The following TRERF1 variants were observed in gnomAD, a reference collection of about 807,000 sequenced individuals.
The protein encoded by TRERF1 is transcriptional regulating factor 1.
TRERF1 carries 27 observed loss-of-function variants against 122.9 expected under a neutral mutation model. That is an observed-to-expected ratio of 0.22 (90% CI 0.16 to 0.30). The LOEUF (loss-of-function observed/expected upper bound fraction) is 0.30. TRERF1 is among the 10% of genes least tolerant of loss of function. The pLI, the probability that TRERF1 is intolerant of heterozygous loss-of-function variation, is 1.00. For missense variants in TRERF1, 1,248 were observed against 1,560.3 expected, an observed-to-expected ratio of 0.80 and a Z score of 3.37; for synonymous variants, 636 against 641.7, an observed-to-expected ratio of 0.99 and a Z score of 0.13.
At chr6:42,326,783 A>G (rs1221014362) in intron 3 of TRERF1, among the ~76,000 whole-genome samples, 4 of 152,366 alleles carry the variant, frequency 2.6e-5, no homozygotes, top group East Asian at 1.9e-4. Context: ...CAGAATAACA[A>G]CAGCTGTTGG....
chr6:42,300,959 G>T (rs565764014), intron 3 of TRERF1, among the ~76,000 whole-genome samples: 1 of 152,256 alleles, frequency 6.6e-6, no homozygotes, highest in African/African-American at 2.4e-5. Flanking sequence ...GAGGAATGAG[G>T]CCATGGAGAT....
intron 5 of TRERF1, among the ~76,000 whole-genome samples, chr6:42,267,209 C>T (rs1013927144): frequency 1.3e-5 from 2 of 152,040 alleles, no homozygotes; most frequent in Non-Finnish European, 2.9e-5. Flanking sequence ...TGGCATGCAC[C>T]TGTAGTTCTA....
intron 2 of TRERF1, among the ~76,000 whole-genome samples, chr6:42,401,717 A>G (rs260283): frequency 0.2 from 29,661 of 151,942 alleles, 5,722 homozygotes; most frequent in African/African-American, 0.5. Context: ...CACCCTGCCC[A>G]ACCCCGCCCC....
chr6:42,364,133 T>C (rs1772281745), intron 2 of TRERF1, among the ~76,000 whole-genome samples: 1 of 152,200 alleles, frequency 6.6e-6, no homozygotes, highest in African/African-American at 2.4e-5. Context: ...ACCTGACCTC[T>C]TCTCCTCCTA....
chr6:42,430,819 C>T (rs551581357), intron 2 of TRERF1, among the ~76,000 whole-genome samples: 42 of 152,096 alleles, frequency 2.8e-4, no homozygotes, highest in African/African-American at 1.0e-3. Flanking sequence ...TCGCTCGAAC[C>T]CAGGAGGCGG....
chr6:42,410,961 G>A (rs1352052378), intron 2 of TRERF1, among the ~76,000 whole-genome samples: 1 of 152,222 alleles, frequency 6.6e-6, no homozygotes, highest in African/African-American at 2.4e-5. Flanking sequence ...CCAGTGGGCA[G>A]GCCTCCTGTC....
At chr6:42,418,266 C>CTTTTTTTTT (rs60655151) in intron 2 of TRERF1, among the ~76,000 whole-genome samples, 2 of 37,016 alleles carry the variant, frequency 5.4e-5, no homozygotes, top group Non-Finnish European at 8.8e-5. Flanking sequence ...TTCTTTCTTT[C>CTTTTTTTTT]TTTTTTTTTT....
chr6:42,308,276 T>C (rs987898629), intron 3 of TRERF1, among the ~76,000 whole-genome samples: 1 of 152,232 alleles, frequency 6.6e-6, no homozygotes, highest in Non-Finnish European at 1.5e-5. Context: ...AATGGAATAT[T>C]ATTCACCAAT....
intron 4 of TRERF1, among the ~76,000 whole-genome samples, chr6:42,295,712 A>AT (rs60109926): frequency 0.15 from 22,720 of 151,812 alleles, 1,903 homozygotes; most frequent in African/African-American, 0.23. Flanking sequence ...GACTTTATGC[A>AT]TTTTTTTTGG....
chr6:42,378,933 T>G (rs540261500), intron 2 of TRERF1, among the ~76,000 whole-genome samples: 1 of 151,986 alleles, frequency 6.6e-6, no homozygotes, highest in African/African-American at 2.4e-5. Flanking sequence ...CTGGACAACA[T>G]AGTAAGACAC....
chr6:42,420,148 G>A (rs1782552459), intron 2 of TRERF1, among the ~76,000 whole-genome samples: 1 of 152,162 alleles, frequency 6.6e-6, no homozygotes, highest in Non-Finnish European at 1.5e-5. Flanking sequence ...ATGGGAGGAC[G>A]GCAAAGCAAA....
intron 8 of TRERF1, among the ~76,000 whole-genome samples, chr6:42,261,090 G>A (rs910562): frequency 7.7e-5 from 11 of 143,654 alleles, no homozygotes; most frequent in African/African-American, 2.7e-4. Flanking sequence ...GCGCTCAACC[G>A]CCTCTTTTCT....
chr6:42,376,588 G>C (rs1164727554), intron 2 of TRERF1, among the ~76,000 whole-genome samples: 1 of 146,442 alleles, frequency 6.8e-6, no homozygotes, highest in Non-Finnish European at 1.5e-5. Flanking sequence ...CTGTCGCCAG[G>C]CTGGAGTACA....
chr6:42,409,013 C>T (rs1184147907), intron 2 of TRERF1, among the ~76,000 whole-genome samples: 1 of 151,990 alleles, frequency 6.6e-6, no homozygotes, highest in Non-Finnish European at 1.5e-5. Context: ...CCAGGTCAGG[C>T]GCGGTGGCTC....
intron 3 of TRERF1, among the ~76,000 whole-genome samples, chr6:42,362,253 G>A (rs903699517): frequency 3.3e-5 from 5 of 151,888 alleles, no homozygotes; most frequent in South Asian, 2.1e-4. Flanking sequence ...AAAAGAAACC[G>A]AAGCAATCAA....
At chr6:42,401,328 TC>T (rs1779356163) in intron 2 of TRERF1, among the ~76,000 whole-genome samples, 1 of 152,182 alleles carries the variant, frequency 6.6e-6, no homozygotes, top group South Asian at 2.1e-4. Flanking sequence ...ATCCGTGCTC[TC>T]AAAAGAAAAG....
At chr6:42,302,774 C>T (rs1439898522) in intron 3 of TRERF1, among the ~76,000 whole-genome samples, 4 of 152,218 alleles carry the variant, frequency 2.6e-5, no homozygotes, top group East Asian at 1.9e-4. Context: ...AAGCATGGCA[C>T]GGGTGGGAAG....
At chr6:42,419,147 C>T (rs1430025983) in intron 2 of TRERF1, among the ~76,000 whole-genome samples, 1 of 152,162 alleles carries the variant, frequency 6.6e-6, no homozygotes, top group African/African-American at 2.4e-5. Flanking sequence ...TGAGAAGATT[C>T]TGGAAACTGA....
chr6:42,360,132 T>G (rs1042280624), intron 3 of TRERF1, among the ~76,000 whole-genome samples: 7 of 152,260 alleles, frequency 4.6e-5, no homozygotes, highest in Non-Finnish European at 1.0e-4. Flanking sequence ...TATATGACAC[T>G]AATAAAGGTA....
Sources: gnomAD v4.1 joint callset for allele counts (sites outside exome capture counted in the v4.1 genomes callset) on GRCh38, gnomAD v4.1.1 for gene constraint, MANE v1.5 for transcripts, NCBI Gene and HGNC (gene_info 2026-07-23, HGNC 2026-07-21) for gene names.